Variants in ANKRD26 observed in about 807,000 individuals in gnomAD.
ANKRD26 encodes ankyrin repeat domain-containing protein 26.
In ANKRD26, 141 loss-of-function variants were observed where a neutral mutation model predicts 208.7. That is an observed-to-expected ratio of 0.68 (90% confidence interval 0.59 to 0.78). The LOEUF (loss-of-function observed/expected upper bound fraction) is 0.78. ANKRD26 is among the 30% of genes least tolerant of loss of function. ANKRD26 has a pLI of 0.00. For missense variants in ANKRD26, 1,889 were observed against 1,938.7 expected (o/e 0.97, Z 0.48); for synonymous variants, 636 against 660.4 (o/e 0.96, Z 0.57).
downstream of ANKRD26, among the ~76,000 whole-genome samples, chr10:27,003,658 G>C (rs998916214): frequency 6.6e-6 from 1 of 152,214 alleles, no homozygotes; most frequent in African/African-American, 2.4e-5. Flanking sequence ...AGTGACAGCA[G>C]ATGCCTCCAG....
At chr10:27,018,247 G>C (rs1187672857) in intron 29 of ANKRD26, among the ~76,000 whole-genome samples, 1 of 149,114 alleles carries the variant, frequency 6.7e-6, no homozygotes, top group Non-Finnish European at 1.5e-5. Context: ...CCATTCTCCT[G>C]CCTCAGCCTC....
chr10:26,951,468 C>T, the ANKRD26 span, among the ~76,000 whole-genome samples: 1 of 152,114 alleles, frequency 6.6e-6, no homozygotes, highest in Non-Finnish European at 1.5e-5. Flanking sequence ...TTGAAATTTT[C>T]TAGCAATTCT....
At chr10:27,033,131 C>CAA (rs1197953662) in intron 25 of ANKRD26, 94 bp downstream of exon 25, 10 of 842,540 alleles carry the variant, frequency 1.2e-5, no homozygotes, top group Non-Finnish European at 1.3e-5. Flanking sequence ...AATGAAAACA[C>CAA]AAAAGAAGGC....
intron 25 of ANKRD26, among the ~76,000 whole-genome samples, chr10:27,031,079 A>T (rs542897306): frequency 4.2e-4 from 64 of 152,330 alleles, no homozygotes; most frequent in Non-Finnish European, 7.1e-4. Flanking sequence ...TTCCGAAAGG[A>T]GGGGGAATTG....
intron 20 of ANKRD26, among the ~76,000 whole-genome samples, chr10:27,042,798 C>CAAAAAAAAAAAAA (rs60850386): frequency 3.9e-4 from 19 of 48,944 alleles, no homozygotes; most frequent in African/African-American, 7.0e-4. Context: ...CAAAAAAATA[C>CAAAAAAAAAAAAA]AAAAAAAAAA....
At chr10:26,988,109 G>T (rs1185498154), downstream of ANKRD26, among the ~76,000 whole-genome samples, 3 of 152,110 alleles carry the variant, frequency 2.0e-5, no homozygotes. Context: ...AACATGATGG[G>T]ATCAGACTGT....
rs548120494 is a variant in ANKRD26, at chr10:26,998,110, A to T, written c.563-2963T>A. Among the ~76,000 whole-genome samples, 3 of 152,330 alleles carry T rather than the reference A, an allele frequency of 2.0e-5. No homozygotes were observed. In the East Asian group the frequency reaches 5.8e-4, roughly 29 times the overall value. ...ACTGGTCAGCTAAGGTAACTAGTTTATTAGTCCTGGCCATGACCCAATTTA... is the reference window on the plus strand; with the variant it reads ...ACTGGTCAGCTAAGGTAACTAGTTTTTTAGTCCTGGCCATGACCCAATTTA... On this transcript the variant is annotated intron_variant, in intron 4 of 5. Transcript: ENST00000445828.
At chr10:27,085,487 T>C (rs1201917669) in intron 5 of ANKRD26, among the ~76,000 whole-genome samples, 2 of 152,344 alleles carry the variant, frequency 1.3e-5, no homozygotes, top group East Asian at 3.9e-4. Flanking sequence ...AAGATTTTGT[T>C]GGTATAAGAA....
rs2053231133 is a variant in ANKRD26 at position 27,014,677 on chromosome 10, A to T, written c.4541T>A (p.Phe1514Tyr). 6.2e-7 allele frequency: 1 copy of T among 1,613,208 alleles called. No individual in the cohort carries two copies. Among genetic ancestry groups the T allele is most frequent in the East Asian group, 2.2e-5 (1 of 44,788 alleles). ...QAASQENLEQFRENNFASMKS... is the reference protein window; with the variant it reads ...QAASQENLEQYRENNFASMKS... ...CATTGAAGCAAAATTATTCTCTCTA[A>T]ACTGCTCTAAGTTTTCTTGAGATGC... The change falls in exon 31 of 34, where the codon TTT becomes TAT. Residue 1514 changes from phenylalanine to tyrosine, a missense_variant. Around this residue, in one of 3 missense-constraint regions of ANKRD26, gnomAD observed 613 missense variants for 648.2 expected, o/e 0.95. Coordinates refer to ENST00000376087, the MANE Select transcript of ANKRD26 (RefSeq NM_014915.3).
chr10:27,012,831 G>T, intron 32 of ANKRD26, 51 bp downstream of exon 32: 1 of 1,544,500 alleles, frequency 6.5e-7, no homozygotes, highest in Non-Finnish European at 8.9e-7. Context: ...AACAAAAAAA[G>T]AATTACATGA....
chr10:27,069,189 C>A (rs1380122886), intron 9 of ANKRD26, among the ~76,000 whole-genome samples: 1 of 67,856 alleles, frequency 1.5e-5, no homozygotes, highest in East Asian at 4.7e-4. Flanking sequence ...AGTGAGACGT[C>A]GTCTCAAAAA....
Position 27,034,974 on chromosome 10 carries a change from T to C in ANKRD26, c.3476A>G (p.Asn1159Ser). 1.9e-6 allele frequency: 3 copies of C among 1,614,138 alleles called. No individual in the cohort carries two copies. The highest frequency in any genetic ancestry group is 2.5e-6 in the Non-Finnish European group (3 of 1,179,966). ...GATATTAATCACTGTCTTCTCTTTA[T>C]TGTCAGCCTTGTTGTGGGCATCATC... ...QLDDAHNKAD[N>S]KEKTVINIQD... Residue 1159 changes from asparagine (N) to serine (S), a missense_variant, in exon 24 of 34, where the codon AAT (asparagine) becomes AGT (serine). Asn to Ser is a conservative substitution (Grantham distance 46). Transcript: ENST00000376087.
intron 4 of ANKRD26, among the ~76,000 whole-genome samples, chr10:27,090,673 T>G (rs1396975133): frequency 6.6e-6 from 1 of 152,212 alleles, no homozygotes; most frequent in Admixed American, 6.5e-5. Flanking sequence ...AAACCTATGC[T>G]GAGTTTACTT....
intron 16 of ANKRD26, among the ~76,000 whole-genome samples, chr10:27,052,696 C>A (rs919585201): frequency 1.3e-5 from 2 of 152,052 alleles, no homozygotes; most frequent in Non-Finnish European, 2.9e-5. Context: ...TTACTGATTT[C>A]CTAGACTGAA....
At chr10:26,950,831 C>T in the ANKRD26 span, among the ~76,000 whole-genome samples, 5 of 151,504 alleles carry the variant, frequency 3.3e-5, no homozygotes, top group Non-Finnish European at 7.4e-5. Context: ...CGTGTCTGTG[C>T]CTCCTGTATT....
chr10:27,066,790 A>G (rs2055264827), intron 10 of ANKRD26, among the ~76,000 whole-genome samples: 1 of 152,042 alleles, frequency 6.6e-6, no homozygotes, highest in Non-Finnish European at 1.5e-5. Context: ...TGCATATGTT[A>G]ATTGGTTGTC....
chr10:27,008,903 A>G (rs12354861), intron 32 of ANKRD26, among the ~76,000 whole-genome samples: 16,158 of 152,038 alleles, frequency 0.11, 1,154 homozygotes, highest in East Asian at 0.28. Context: ...GTAGTGGAGT[A>G]ATCTCGGCTC....
At chr10:26,994,374 T>C (rs2052544962) in intron 5 of ANKRD26, among the ~76,000 whole-genome samples, 1 of 152,222 alleles carries the variant, frequency 6.6e-6, no homozygotes, top group Non-Finnish European at 1.5e-5. Flanking sequence ...TATCATTTTC[T>C]CTGGATTCCA....
chr10:26,973,413 T>C (rs1437385281), downstream of ANKRD26, among the ~76,000 whole-genome samples: 1 of 151,862 alleles, frequency 6.6e-6, no homozygotes, highest in Non-Finnish European at 1.5e-5. Flanking sequence ...TTAATATAAT[T>C]GTTATTTTGA....
Sources: allele counts gnomAD v4.1 joint callset (sites outside exome capture counted in the v4.1 genomes callset), GRCh38; gene constraint gnomAD v4.1.1; regional missense constraint gnomAD v4.1.1; transcripts MANE v1.5; gene names NCBI Gene and HGNC (gene_info 2026-07-23, HGNC 2026-07-21).